NCAM2: variants seen among roughly 807,000 people sequenced by gnomAD.
NCAM2 encodes the protein N-CAM-2.
NCAM2 carries 30 observed loss-of-function variants against 98.1 expected under a neutral mutation model. The observed-to-expected ratio is 0.31, with a 90% CI of 0.23 to 0.41. The LOEUF (loss-of-function observed/expected upper bound fraction) is 0.41. NCAM2 is among the 10% of genes least tolerant of loss of function. The pLI is 1.00. For synonymous variants in NCAM2, 368 were observed against 342.4 expected, an observed-to-expected ratio of 1.07 and a Z score of -0.83; for missense variants, 867 against 1,005.8, an observed-to-expected ratio of 0.86 and a Z score of 1.87.
chr21:21,385,617 C>T (rs977336424), intron 9 of NCAM2: 42 of 1,287,602 alleles, frequency 3.3e-5, no homozygotes, highest in Non-Finnish European at 4.0e-5. Context: ...AAACAGATTT[C>T]TTGGCATTCT....
chr21:21,485,510 A>G (rs761791944), intron 15 of NCAM2, among the ~76,000 whole-genome samples: 3 of 152,216 alleles, frequency 2.0e-5, no homozygotes, highest in Non-Finnish European at 2.9e-5. Flanking sequence ...CCAAATTTCA[A>G]AGGAATTTCG....
rs557024021 is a variant in NCAM2 at position 21,033,383 on chromosome 21, G to A, written c.55+34765G>A. ...AAGTCTATAAAACAAACTGATAGAA[G>A]ATTAACAGGAAAAAAAGGCATACAA... On this transcript the variant is annotated intron_variant, in intron 1 of 17. Transcript: ENST00000400546. Among the ~76,000 whole-genome samples the A allele has an allele frequency of 2.0e-4, 30 of 152,284 alleles. No homozygotes were observed. The South Asian group carries it at 6.0e-3, about 30-fold the overall frequency.
At chr21:21,077,350 G>A (rs2065701409) in intron 1 of NCAM2, among the ~76,000 whole-genome samples, 2 of 152,168 alleles carry the variant, frequency 1.3e-5, no homozygotes, top group African/African-American at 4.8e-5. Context: ...TCATTTTAGT[G>A]ATTATTGGTA....
chr21:21,472,233 A>G (rs1387261155), intron 14 of NCAM2, among the ~76,000 whole-genome samples: 1 of 152,016 alleles, frequency 6.6e-6, no homozygotes, highest in African/African-American at 2.4e-5. Flanking sequence ...ATTGTAAGGA[A>G]GTACTATAGG....
At chr21:21,028,882 T>G (rs1218770469) in intron 1 of NCAM2, among the ~76,000 whole-genome samples, 1 of 152,212 alleles carries the variant, frequency 6.6e-6, no homozygotes, top group East Asian at 1.9e-4. Context: ...TAATAAACAT[T>G]TAAAAATTAT....
At chr21:21,223,592 T>G (rs1287102482) in intron 1 of NCAM2, 1 of 152,124 alleles carries the variant, frequency 6.6e-6, no homozygotes, top group African/African-American at 2.4e-5. Flanking sequence ...TTGTGAGCCA[T>G]GCAGTGCTCT....
At chr21:21,294,818 T>TG (rs199875853) in intron 5 of NCAM2, among the ~76,000 whole-genome samples, 1,518 of 151,796 alleles carry the variant, frequency 0.01, 25 homozygotes, top group African/African-American at 0.035. Context: ...CGAGGTTTTT[T>TG]TTTTTGAAAG....
rs2067099042 is a variant in NCAM2, at chr21:21,138,207, T to C, written c.55+139589T>C. On this transcript the variant is annotated intron_variant, in intron 1 of 17. Coordinates refer to ENST00000400546, the MANE Select transcript of NCAM2 (RefSeq NM_004540.5). ...GAGCAAGCACAGATGTCTTCACTGA[T>C]TGTAAGGCTGAAGGTGGAAGAAAAA... 2.6e-5 allele frequency among the ~76,000 whole-genome samples: 4 copies of C among 152,308 alleles called. No individual in the cohort carries two copies. In the South Asian group the frequency reaches 8.3e-4, roughly 32 times the overall value.
At chr21:21,414,753 G>A (rs2076955641) in intron 10 of NCAM2, among the ~76,000 whole-genome samples, 1 of 152,142 alleles carries the variant, frequency 6.6e-6, no homozygotes, top group Non-Finnish European at 1.5e-5. Context: ...ACAGGCGTGA[G>A]CCACCGCGCC....
chr21:21,100,968 C>T lies in NCAM2; in HGVS notation c.55+102350C>T, dbSNP rs564309246. 1.8e-4 allele frequency among the ~76,000 whole-genome samples: 28 copies of T among 152,148 alleles called. No homozygotes were observed. The South Asian group carries it at 5.8e-3, about 32-fold the overall frequency. On this transcript the variant is annotated intron_variant, in intron 1 of 17. Coordinates refer to ENST00000400546, the MANE Select transcript of NCAM2 (RefSeq NM_004540.5). ...TTGATCTGTTACATTGACTTATTGA[C>T]TCTGCCTAAATGTTCCCAATTGTAT...
intron 10 of NCAM2, among the ~76,000 whole-genome samples, chr21:21,410,883 T>A (rs897666171): frequency 2.7e-5 from 4 of 148,798 alleles, no homozygotes; most frequent in African/African-American, 9.9e-5. Context: ...GGTGTGTGCC[T>A]ATAGCCCCAG....
At chr21:21,407,592 T>C (rs2076766623) in intron 9 of NCAM2, among the ~76,000 whole-genome samples, 2 of 152,202 alleles carry the variant, frequency 1.3e-5, no homozygotes, top group Admixed American at 6.6e-5. Flanking sequence ...CATTAGGATG[T>C]ATGAATTTCT....
At chr21:21,530,261 AATTTAATTATATATAATTT>A (rs1316166277) in intron 16 of NCAM2, among the ~76,000 whole-genome samples, 1 of 130,960 alleles carries the variant, frequency 7.6e-6, no homozygotes, top group Non-Finnish European at 1.6e-5. Flanking sequence ...TATATAATTT[AATTTAATTATATATAATTT>A]AATTTAATTA....
At chr21:21,328,636 A>G in intron 6 of NCAM2, among the ~76,000 whole-genome samples, 1 of 105,144 alleles carries the variant, frequency 9.5e-6, no homozygotes, top group East Asian at 3.4e-4. Context: ...ATATCCTTAT[A>G]AAATAAACAA....
At chr21:21,066,409 A>G (rs1055237544) in intron 1 of NCAM2, among the ~76,000 whole-genome samples, 1 of 151,564 alleles carries the variant, frequency 6.6e-6, no homozygotes, top group Non-Finnish European at 1.5e-5. Context: ...GCAGTTTTTT[A>G]TAACATATAC....
At chr21:21,186,892 A>G (rs1455886408) in intron 1 of NCAM2, among the ~76,000 whole-genome samples, 1 of 152,188 alleles carries the variant, frequency 6.6e-6, no homozygotes, top group East Asian at 1.9e-4. Flanking sequence ...AAAAAAGATA[A>G]TAAAATTTGG....
chr21:21,084,496 C>T (rs903740557), intron 1 of NCAM2, among the ~76,000 whole-genome samples: 1 of 152,074 alleles, frequency 6.6e-6, no homozygotes, highest in Non-Finnish European at 1.5e-5. Flanking sequence ...ACTTATCTGC[C>T]TACTATTTAA....
intron 1 of NCAM2, among the ~76,000 whole-genome samples, chr21:21,155,650 A>G (rs911077471): frequency 2.6e-5 from 4 of 151,870 alleles, no homozygotes; most frequent in African/African-American, 9.7e-5. Flanking sequence ...TTTCAAAATA[A>G]TATCTTTAAA....
At chr21:21,225,399 G>C (rs1283187644) in intron 1 of NCAM2, among the ~76,000 whole-genome samples, 1 of 151,734 alleles carries the variant, frequency 6.6e-6, no homozygotes, top group African/African-American at 2.4e-5. Context: ...ATGTACCCCA[G>C]ATCTAAAAAA....
Sources: gnomAD v4.1 joint callset for allele counts (sites outside exome capture counted in the v4.1 genomes callset) on GRCh38, gnomAD v4.1.1 for gene constraint, MANE v1.5 for transcripts, NCBI Gene and HGNC (gene_info 2026-07-23, HGNC 2026-07-21) for gene names.